The following SLC26A9 variants were observed in gnomAD, a reference collection of about 807,000 sequenced individuals.
The protein encoded by SLC26A9 is anion transporter/exchanger protein 9.
Under a neutral mutation model 87.1 loss-of-function variants are expected in SLC26A9, and 46 were observed. The ratio of observed to expected loss-of-function variants is 0.53; its 90% CI spans 0.42 to 0.67. The LOEUF (loss-of-function observed/expected upper bound fraction) is 0.67. Ranked by LOEUF, SLC26A9 falls within the 30% of genes least tolerant of loss-of-function variation. The pLI is 0.00. For missense variants in SLC26A9, 927 were observed against 1,018.3 expected, an observed-to-expected ratio of 0.91 and a Z score of 1.22; for synonymous variants, 437 against 409.1, an observed-to-expected ratio of 1.07 and a Z score of -0.82.
At chr1:205,928,990 C>A in intron 7 of SLC26A9, 81 bp from the exon 8 acceptor site, 1 of 1,553,028 alleles carries the variant, frequency 6.4e-7, no homozygotes, top group East Asian at 2.2e-5. Context: ...TCCCTTTTCT[C>A]TGGGGACCCT....
rs925115191 is a variant in SLC26A9 at position 205,913,488 on chromosome 1, A to C, written c.*1869T>G. On this transcript the variant is annotated 3_prime_UTR_variant, in exon 21 of 21. Transcript: ENST00000367135. ...TTACTTGGGGGTTAAGGATCACTTC[A>C]TCAAGTCCTCAGGGGATCTAGATAC... is the stretch of plus-strand genomic sequence containing the variant. The C allele has an allele frequency of 6.6e-6, 1 of 152,622 alleles. No homozygotes were observed. The highest frequency in any genetic ancestry group is 1.5e-5 in the Non-Finnish European group (1 of 68,074). The allele number at this position is 152,622 out of a possible 1,614,324, so 9.5% of individuals were successfully genotyped here. A position where few individuals can be genotyped will look rare whatever the true frequency, so the allele number is the denominator to read the frequency against.
At chr1:205,932,086 T>C (rs1169842780) in intron 4 of SLC26A9, 51 bp from the exon 5 acceptor site, 1 of 1,599,626 alleles carries the variant, frequency 6.3e-7, no homozygotes, top group East Asian at 2.2e-5. Flanking sequence ...ACCACACCGA[T>C]GGAAACCAGA....
In SLC26A9 at chr1:205,915,310, C is replaced by T; in HGVS notation, c.*47G>A. 1 of 1,613,352 alleles carries T rather than the reference C, an allele frequency of 6.2e-7. No homozygotes were observed. The highest frequency in any genetic ancestry group is 8.5e-7 in the Non-Finnish European group (1 of 1,179,614). ...CCCCAGGCTCATCCTTTATGGAAGT[C>T]CCAAGTGCCAGGCACTCTGTAGGCA... On this transcript the variant is annotated 3_prime_UTR_variant, in exon 21 of 21. Coordinates refer to ENST00000367135, the MANE Select transcript of SLC26A9 (RefSeq NM_052934.4).
At chr1:205,926,769 C>G in intron 11 of SLC26A9, 139 bp from the exon 12 acceptor site, 1 of 717,068 alleles carries the variant, frequency 1.4e-6, no homozygotes, top group East Asian at 2.7e-5. Flanking sequence ...CAAATCTCTG[C>G]ATTCGACCTT....
chr1:205,929,848 G>A, intron 6 of SLC26A9, 44 bp downstream of exon 6: 1 of 1,548,330 alleles, frequency 6.5e-7, no homozygotes, highest in Non-Finnish European at 8.8e-7. Context: ...TCATGTGTCT[G>A]CTGGAGCCTT....
chr1:205,927,482 C>T lies in SLC26A9; in HGVS notation c.1215+10G>A. 1 of 1,612,984 alleles carries T rather than the reference C, an allele frequency of 6.2e-7. No individual in the cohort carries two copies. Among genetic ancestry groups the T allele is most frequent in the Non-Finnish European group, 8.5e-7 (1 of 1,179,324 alleles). On this transcript the variant is annotated intron_variant, in intron 10 of 20. Transcript: ENST00000367135. ...CCACCTCCCCCCAACTCCCCTAGAACAAGGCTCACCTGGGATTTTCCTCCA... is the reference window on the plus strand; with the variant it reads ...CCACCTCCCCCCAACTCCCCTAGAATAAGGCTCACCTGGGATTTTCCTCCA...
In SLC26A9 at chr1:205,927,775, C is replaced by T. The variant is rs2102587095; in HGVS notation, c.1101+127G>A. 3.4e-6 allele frequency: 5 copies of T among 1,490,256 alleles called. No homozygotes were observed. The East Asian group carries it at 6.8e-5, about 20-fold the overall frequency. The allele number at this position is 1,490,256 out of a possible 1,614,324, so 92.3% of individuals were successfully genotyped here. The stretch of plus-strand genomic sequence containing the variant: ...AGGTCAGCCTCTTAGGGTCAGAGGA[C>T]CCCCTATCCCCCACACTCGAGGCAG... On this transcript the variant is annotated intron_variant, in intron 9 of 20. Transcript: ENST00000367135.
chr1:205,918,186 C>T lies in SLC26A9; in HGVS notation c.2256+654G>A, dbSNP rs188918019. The stretch of plus-strand genomic sequence containing the variant: ...AACAAGAGTCTTGGGAGGCCAAGGG[C>T]AGGAGCTGAGCTGGGAGGGGACCCT... On this transcript the variant is annotated intron_variant, in intron 19 of 20. Transcript: ENST00000367135. Among the ~76,000 whole-genome samples, 126 of 152,274 alleles carry T rather than the reference C, an allele frequency of 8.3e-4. 2 individuals are homozygous for T. The highest frequency in any genetic ancestry group is 3.0e-3 in the African/African-American group (123 of 41,558).
At chr1:205,915,482 A>C in intron 20 of SLC26A9, 78 bp from the exon 21 acceptor site, 6 of 1,592,426 alleles carry the variant, frequency 3.8e-6, no homozygotes, top group Non-Finnish European at 5.2e-6. Context: ...TGCAACCAAG[A>C]GGTGACCCTA....
chr1:205,922,152 C>G (rs1658867200), intron 16 of SLC26A9, among the ~76,000 whole-genome samples: 1 of 152,190 alleles, frequency 6.6e-6, no homozygotes, highest in African/African-American at 2.4e-5. Context: ...TCCTTTATTT[C>G]TTGAGACAGA....
chr1:205,921,767 G>A lies in SLC26A9; in HGVS notation c.1854C>T (p.Asn618=), dbSNP rs35339136. ...AGGTGATATAGGACACGCTGGTGCC[G>A]TTAGCCGGGGTCTGGTTGTTGTTGG... ...TDPNNNQTPA[N]GTSVSYITFS... The change falls in exon 17 of 21, where the codon AAC becomes AAT. Residue 618 remains asparagine (N), a synonymous_variant. Transcript: ENST00000367135. 7.6e-3 allele frequency: 12,143 copies of A among 1,600,950 alleles called. 137 individuals carry two copies. Among genetic ancestry groups the A allele is most frequent in the South Asian group, 0.037 (3,291 of 88,972 alleles).
At chr1:205,922,614 A>G (rs1344707255) in intron 16 of SLC26A9, among the ~76,000 whole-genome samples, 1 of 152,154 alleles carries the variant, frequency 6.6e-6, no homozygotes, top group Non-Finnish European at 1.5e-5. Context: ...AAGAAGAAAA[A>G]TGCCCAGGCT....
In SLC26A9 at chr1:205,923,594, C is replaced by T. The variant is rs367628046; in HGVS notation, c.1516G>A (p.Ala506Thr). The change falls in exon 14 of 21, where the codon GCC becomes ACC. Residue 506 changes from alanine to threonine, a missense_variant. Physicochemically the swap from Ala to Thr is moderately conservative, Grantham distance 58 (BLOSUM62 0). Coordinates refer to ENST00000367135, the MANE Select transcript of SLC26A9 (RefSeq NM_052934.4). ...TAAATGTCAGTGTCCATGACCTGGG[C>T]CAGTGCATAGCCATTTCGACTGGAT... ...QTQFRNGYAL[A>T]QVMDTDIYVN... 3 of 1,614,050 alleles carry T rather than the reference C, an allele frequency of 1.9e-6. No individual in the cohort carries two copies. The African/African-American group carries it at 4.0e-5, about 22-fold the overall frequency.
chr1:205,915,464 A>T, intron 20 of SLC26A9, 60 bp from the exon 21 acceptor site: 4 of 1,611,522 alleles, frequency 2.5e-6, no homozygotes, highest in Non-Finnish European at 3.4e-6. Context: ...AGTTGGGGTC[A>T]CAGTGGCTGC....
At chr1:205,917,001 G>C (rs1481699456) in intron 20 of SLC26A9, among the ~76,000 whole-genome samples, 1 of 151,642 alleles carries the variant, frequency 6.6e-6, no homozygotes, top group Non-Finnish European at 1.5e-5. Context: ...GCTGAGGCAG[G>C]AGAACCTCTG....
At chr1:205,941,469 C>T (rs777241495) in intron 1 of SLC26A9, among the ~76,000 whole-genome samples, 23 of 152,166 alleles carry the variant, frequency 1.5e-4, no homozygotes, top group South Asian at 4.1e-4. Flanking sequence ...CTGCGCCCAG[C>T]CCCCCAAGGC....
At position 205,914,884 on chromosome 1, in the gene SLC26A9, G is replaced by T; in HGVS notation, c.*473C>A. 6.2e-7 allele frequency: 1 copy of T among 1,604,276 alleles called. No individual in the cohort carries two copies. Among genetic ancestry groups the T allele is most frequent in the Non-Finnish European group, 8.5e-7 (1 of 1,174,524 alleles). The stretch of plus-strand genomic sequence containing the variant: ...GAAGGCAAGCCAGAGTCCTAACCAA[G>T]TTTATCCCTATGTCCGTGACAGCCT... On this transcript the variant is annotated 3_prime_UTR_variant, in exon 21 of 21. Transcript: ENST00000367135.
chr1:205,928,240 A>C, intron 8 of SLC26A9, 191 bp from the exon 9 acceptor site: 1 of 691,168 alleles, frequency 1.4e-6, no homozygotes, highest in Non-Finnish European at 2.3e-6. Context: ...TTTACAAAGG[A>C]GGAAACTGAG....
chr1:205,941,757 T>C (rs1659755118), intron 1 of SLC26A9, among the ~76,000 whole-genome samples: 1 of 152,180 alleles, frequency 6.6e-6, no homozygotes, highest in African/African-American at 2.4e-5. Context: ...GGACCAAGGC[T>C]AGACTTTGAG....
Sources: gnomAD v4.1 joint callset for allele counts (sites outside exome capture counted in the v4.1 genomes callset) on GRCh38, gnomAD v4.1.1 for gene constraint, MANE v1.5 for transcripts, NCBI Gene and HGNC (gene_info 2026-07-23, HGNC 2026-07-21) for gene names.